KCNT2: variants seen among roughly 807,000 people sequenced by gnomAD.
KCNT2 encodes the protein potassium channel subfamily T member 2.
In KCNT2, 67 loss-of-function variants were observed where a neutral mutation model predicts 153.8. The observed-to-expected ratio is 0.44, with a 90% CI of 0.36 to 0.53. The LOEUF is 0.53. Ranked by LOEUF, KCNT2 falls within the 20% of genes least tolerant of loss-of-function variation. KCNT2 has a pLI of 0.00. For synonymous variants in KCNT2, 500 were observed against 458.8 expected, an observed-to-expected ratio of 1.09 and a Z score of -1.15; for missense variants, 975 against 1,354.8, an observed-to-expected ratio of 0.72 and a Z score of 4.40.
At chr1:196,520,071 A>G (rs1035587728) in intron 1 of KCNT2, among the ~76,000 whole-genome samples, 3 of 152,154 alleles carry the variant, frequency 2.0e-5, no homozygotes, top group African/African-American at 7.2e-5. Context: ...AATACTGGCA[A>G]ACCAAATCCA....
In KCNT2 at chr1:196,282,263, A is replaced by G; in HGVS notation, c.2781+10T>C. 1 of 1,479,562 alleles carries G rather than the reference A, an allele frequency of 6.8e-7. No homozygotes were observed. The highest frequency in any genetic ancestry group is 9.4e-7 in the Non-Finnish European group (1 of 1,060,280). 91.7% of individuals were successfully genotyped at this position (1,479,562 alleles called of 1,614,324 possible). The stretch of plus-strand genomic sequence containing the variant: ...ACAACTATCTTTTATTCTAGAGATT[A>G]TTAACTTACAGAACAAAGAAACCCA... On this transcript the variant is annotated intron_variant, in intron 24 of 27. Coordinates refer to ENST00000294725, the MANE Select transcript of KCNT2 (RefSeq NM_198503.5).
chr1:196,242,272 G>A (rs1450952755), intron 26 of KCNT2, among the ~76,000 whole-genome samples: 1 of 152,000 alleles, frequency 6.6e-6, no homozygotes, highest in Non-Finnish European at 1.5e-5. Context: ...GGTTTTATAT[G>A]TGTTCAGGTG....
intron 26 of KCNT2, among the ~76,000 whole-genome samples, chr1:196,256,282 C>T (rs1571815722): frequency 6.6e-6 from 1 of 151,834 alleles, no homozygotes; most frequent in East Asian, 1.9e-4. Flanking sequence ...TTACTCCCCC[C>T]AAAAAAGCTA....
chr1:196,549,232 TC>T (rs1558066033), intron 1 of KCNT2, among the ~76,000 whole-genome samples: 1 of 151,944 alleles, frequency 6.6e-6, no homozygotes, highest in Non-Finnish European at 1.5e-5. Flanking sequence ...GTTCAATTTT[TC>T]TCTATTGTGA....
At chr1:196,410,704 A>C (rs947311482) in intron 12 of KCNT2, among the ~76,000 whole-genome samples, 2 of 64,734 alleles carry the variant, frequency 3.1e-5, no homozygotes, top group African/African-American at 1.0e-4. Flanking sequence ...ATCTGTGCTC[A>C]GTGCTTAAAA....
intron 14 of KCNT2, among the ~76,000 whole-genome samples, chr1:196,358,442 A>G (rs2148257392): frequency 6.6e-6 from 1 of 152,022 alleles, no homozygotes; most frequent in African/African-American, 2.4e-5. Flanking sequence ...ATCATGTTCA[A>G]CAGAAATTTA....
chr1:196,449,045 C>G (rs1274077075), intron 8 of KCNT2, among the ~76,000 whole-genome samples: 1 of 151,492 alleles, frequency 6.6e-6, no homozygotes, highest in Admixed American at 6.6e-5. Context: ...AATTTATAAT[C>G]ATAAAATGGG....
chr1:196,281,494 C>T (rs1028773191), intron 24 of KCNT2, among the ~76,000 whole-genome samples: 1 of 152,022 alleles, frequency 6.6e-6, no homozygotes, highest in Non-Finnish European at 1.5e-5. Context: ...CTGACTTGTT[C>T]CACCCAATGT....
At chr1:196,388,417 A>C (rs942276690) in intron 13 of KCNT2, among the ~76,000 whole-genome samples, 1 of 151,646 alleles carries the variant, frequency 6.6e-6, no homozygotes, top group African/African-American at 2.4e-5. Context: ...TTAAAATAAG[A>C]TTATTAATAT....
At chr1:196,301,222 A>G (rs1661154946) in intron 22 of KCNT2, among the ~76,000 whole-genome samples, 1 of 152,100 alleles carries the variant, frequency 6.6e-6, no homozygotes, top group African/African-American at 2.4e-5. Context: ...TTCCCTGAAG[A>G]TCATTTACTA....
chr1:196,437,399 T>TTA (rs572788806), intron 8 of KCNT2, among the ~76,000 whole-genome samples: 41 of 140,906 alleles, frequency 2.9e-4, no homozygotes, highest in East Asian at 8.3e-4. Flanking sequence ...TACACAAATT[T>TTA]TATATATATA....
intron 18 of KCNT2, among the ~76,000 whole-genome samples, chr1:196,329,228 T>A (rs1193785265): frequency 1.3e-5 from 2 of 152,024 alleles, no homozygotes; most frequent in African/African-American, 2.4e-5. Flanking sequence ...CATAATCCCA[T>A]ACTGTTCCTA....
intron 14 of KCNT2, among the ~76,000 whole-genome samples, chr1:196,367,518 T>A (rs1484042036): frequency 1.3e-5 from 2 of 152,312 alleles, no homozygotes; most frequent in East Asian, 3.9e-4. Flanking sequence ...AATATATGTG[T>A]AGATGTATAT....
intron 26 of KCNT2, among the ~76,000 whole-genome samples, chr1:196,242,610 A>G (rs999163878): frequency 6.6e-6 from 1 of 152,150 alleles, no homozygotes; most frequent in African/African-American, 2.4e-5. Flanking sequence ...TTATTACATG[A>G]TATTCATTAT....
chr1:196,423,097 C>A lies in KCNT2; in HGVS notation c.1138G>T (p.Ala380Ser). The change falls in exon 12 of 28, where the codon GCC becomes TCC. Residue 380 changes from alanine (A) to serine (S), a missense_variant. Ala to Ser is a moderately conservative substitution (Grantham distance 99). Around this residue, in one of 6 missense-constraint regions of KCNT2, gnomAD observed 202 missense variants for 314.9 expected, o/e 0.64. Coordinates refer to ENST00000294725, the MANE Select transcript of KCNT2 (RefSeq NM_198503.5). ...LLRAKMDDAE[A>S]CFILSSRCEV... is the part of the protein sequence containing the mutation. ...CAACGGCTACTGAGAATAAAACAGG[C>A]CTCAGCGTCATCCATCCTAAATACA... 6.2e-7 allele frequency: 1 copy of A among 1,602,302 alleles called. No homozygotes were observed. The highest frequency in any genetic ancestry group is 8.5e-7 in the Non-Finnish European group (1 of 1,172,526).
At chr1:196,447,846 G>A (rs73067676) in intron 8 of KCNT2, among the ~76,000 whole-genome samples, 6,863 of 151,110 alleles carry the variant, frequency 0.045, 523 homozygotes, top group African/African-American at 0.16. Flanking sequence ...CTTGAAATCC[G>A]TCTACCTCTA....
intron 1 of KCNT2, among the ~76,000 whole-genome samples, chr1:196,543,369 GTAT>G (rs1368190137): frequency 2.0e-5 from 3 of 152,112 alleles, no homozygotes; most frequent in Non-Finnish European, 4.4e-5. Flanking sequence ...ATCTCATGAA[GTAT>G]TATTAATCTG....
chr1:196,265,438 T>G (rs1184538748), intron 25 of KCNT2, among the ~76,000 whole-genome samples: 1 of 152,192 alleles, frequency 6.6e-6, no homozygotes, highest in Admixed American at 6.5e-5. Flanking sequence ...ATGTCATGTG[T>G]CTTAGCCCAG....
chr1:196,353,844 A>G (rs1283219146), intron 14 of KCNT2, among the ~76,000 whole-genome samples: 4 of 151,970 alleles, frequency 2.6e-5, no homozygotes, highest in Admixed American at 1.3e-4. Flanking sequence ...TTTTGTTTTT[A>G]AGAGTTTCCC....
Sources: allele counts gnomAD v4.1 joint callset (sites outside exome capture counted in the v4.1 genomes callset), GRCh38; gene constraint gnomAD v4.1.1; regional missense constraint gnomAD v4.1.1; transcripts MANE v1.5; gene names NCBI Gene and HGNC (gene_info 2026-07-23, HGNC 2026-07-21).